WASHC5: variants seen among roughly 807,000 people sequenced by gnomAD.
The protein encoded by WASHC5 is WASH complex subunit strumpellin.
WASHC5 carries 101 observed loss-of-function variants against 150.4 expected under a neutral mutation model. That is an observed-to-expected ratio of 0.67 (90% CI 0.57 to 0.79). The LOEUF is 0.79. Among genes scored for constraint, WASHC5 ranks in the 30% least tolerant of loss-of-function variants. The pLI, the probability that WASHC5 is intolerant of heterozygous loss-of-function variation, is 0.00. For synonymous variants in WASHC5, 467 were observed against 491.2 expected, an observed-to-expected ratio of 0.95 and a Z score of 0.65; for missense variants, 1,195 against 1,396.3, an observed-to-expected ratio of 0.86 and a Z score of 2.30.
chr8:125,055,675 T>C lies in WASHC5; in HGVS notation c.2017-4A>G, dbSNP rs775033295. 1.3e-6 allele frequency: 2 copies of C among 1,581,906 alleles called. No homozygotes were observed. The highest frequency in any genetic ancestry group is 2.2e-5 in the South Asian group (2 of 90,330). Reference sequence around the variant, plus strand: ...TAGCATGAGTAAGCTTGGCAACCTATAACAAAGAAAAAGAGGTATGAAAAA... The same window carrying C: ...TAGCATGAGTAAGCTTGGCAACCTACAACAAAGAAAAAGAGGTATGAAAAA... On this transcript the variant is annotated splice_polypyrimidine_tract_variant and splice_region_variant and intron_variant, in intron 16 of 28. Coordinates refer to ENST00000318410, the MANE Select transcript of WASHC5 (RefSeq NM_014846.4).
In WASHC5 at chr8:125,050,581, A is replaced by G. The variant is rs1371936638; in HGVS notation, c.2182T>C (p.Phe728Leu). 3.1e-6 allele frequency: 5 copies of G among 1,613,844 alleles called. No individual in the cohort carries two copies. Among genetic ancestry groups the G allele is most frequent in the Admixed American group, 1.7e-5 (1 of 60,002 alleles). The change falls in exon 18 of 29, where the codon TTC becomes CTC. Residue 728 changes from phenylalanine (F) to leucine (L), a missense_variant. Physicochemically the swap from Phe to Leu is conservative, Grantham distance 22. Around this residue, in one of 3 missense-constraint regions of WASHC5, gnomAD observed 997 missense variants for 1,168.1 expected, o/e 0.85. Transcript: ENST00000318410. ...VAFALHRGLIFNPRAKPSELM... is the reference protein window; with the variant it reads ...VAFALHRGLILNPRAKPSELM... Reference sequence around the variant, plus strand: ...CTGGGTACCTTGGCTCGAGGGTTGAATATCAGTCCCCTATGCAGGGCAAAG... The same window carrying G: ...CTGGGTACCTTGGCTCGAGGGTTGAGTATCAGTCCCCTATGCAGGGCAAAG...
chr8:125,039,325 T>C (rs1344734571), intron 24 of WASHC5, among the ~76,000 whole-genome samples: 1 of 152,184 alleles, frequency 6.6e-6, no homozygotes, highest in Non-Finnish European at 1.5e-5. Flanking sequence ...AGGCGGAGGA[T>C]ATGAGTTCCC....
intron 9 of WASHC5, among the ~76,000 whole-genome samples, chr8:125,068,639 A>C (rs1816817262): frequency 6.6e-6 from 1 of 152,144 alleles, no homozygotes; most frequent in Non-Finnish European, 1.5e-5. Flanking sequence ...GGAATGCCCG[A>C]CACAACAAGG....
intron 10 of WASHC5, among the ~76,000 whole-genome samples, chr8:125,066,746 C>A (rs893935276): frequency 3.5e-4 from 54 of 152,314 alleles, no homozygotes; most frequent in African/African-American, 1.2e-3. Context: ...CTCCAGCCAA[C>A]TGGTCTTTCA....
At chr8:125,043,930 C>G in intron 22 of WASHC5, 26 bp from the exon 23 acceptor site, 1 of 1,600,258 alleles carries the variant, frequency 6.2e-7, no homozygotes, top group Non-Finnish European at 8.6e-7. Flanking sequence ...ATAATTTTCT[C>G]TTTAGTACAT....
chr8:125,032,128 G>A (rs112195111), intron 27 of WASHC5, 113 bp downstream of exon 27: 15 of 1,248,052 alleles, frequency 1.2e-5, no homozygotes, highest in Middle Eastern at 1.9e-4. Context: ...ACAGAGAAGG[G>A]TGAGCAACCA....
chr8:125,064,504 G>C, intron 10 of WASHC5, among the ~76,000 whole-genome samples: 1 of 151,618 alleles, frequency 6.6e-6, no homozygotes, highest in South Asian at 2.1e-4. Flanking sequence ...TTATAGGCAT[G>C]AGCCACTGTA....
rs140742485 is a variant in WASHC5 at position 125,047,281 on chromosome 8, C to G, written c.2430G>C (p.Lys810Asn). The G allele has an allele frequency of 2.8e-5, 45 of 1,613,940 alleles. No homozygotes were observed. Among genetic ancestry groups the G allele is most frequent in the Non-Finnish European group, 3.7e-5 (44 of 1,179,942 alleles). The change falls in exon 20 of 29, where the codon AAG becomes AAC. Residue 810 changes from lysine (K) to asparagine (N), a missense_variant. Physicochemically the swap from Lys to Asn is moderately conservative, Grantham distance 94. This residue lies in a region of WASHC5 where 997 missense variants were observed against 1,168.1 expected (regional missense o/e 0.85). Coordinates refer to ENST00000318410, the MANE Select transcript of WASHC5 (RefSeq NM_014846.4). ...MYQSTHIPIP[K>N]FTPVDESVTF... ...TTACAGACTCATCCACAGGGGTAAACTTGGGTATTGGAATATGAGTGGACT... is the reference window on the plus strand; with the variant it reads ...TTACAGACTCATCCACAGGGGTAAAGTTGGGTATTGGAATATGAGTGGACT...
intron 21 of WASHC5, among the ~76,000 whole-genome samples, 178 bp from the exon 22 acceptor site, chr8:125,044,272 GAA>G (rs1393236496): frequency 6.6e-6 from 1 of 152,186 alleles, no homozygotes; most frequent in Non-Finnish European, 1.5e-5. Context: ...CCCTTGCTAG[GAA>G]AAGTCACTGG....
In WASHC5 at chr8:125,039,680, A is replaced by T. The variant is rs139201769; in HGVS notation, c.2954+115T>A. 31 of 742,296 alleles carry T rather than the reference A, an allele frequency of 4.2e-5. No homozygotes were observed. The African/African-American group carries it at 5.2e-4, about 12-fold the overall frequency. The allele number at this position is 742,296 out of a possible 1,614,324, so 46.0% of individuals were successfully genotyped here. ...ATTATCCGTGGCAAGGAAGCCTGTA[A>T]ATTCAGACCTTCCACCCAAAAATAA... On this transcript the variant is annotated intron_variant, in intron 24 of 28. Coordinates refer to ENST00000318410, the MANE Select transcript of WASHC5 (RefSeq NM_014846.4).
At chr8:125,084,483 A>G (rs1586391534) in intron 1 of WASHC5, among the ~76,000 whole-genome samples, 2 of 152,232 alleles carry the variant, frequency 1.3e-5, no homozygotes, top group Non-Finnish European at 2.9e-5. Context: ...AACATGTCCA[A>G]GATTCCTTTT....
At chr8:125,065,424 GA>G (rs1214642428) in intron 10 of WASHC5, among the ~76,000 whole-genome samples, 1 of 152,096 alleles carries the variant, frequency 6.6e-6, no homozygotes, top group African/African-American at 2.4e-5. Context: ...TAGACAGAAG[GA>G]AGCTGTCCAT....
chr8:125,049,254 A>G, intron 18 of WASHC5, 69 bp from the exon 19 acceptor site: 1 of 1,533,672 alleles, frequency 6.5e-7, no homozygotes, highest in Non-Finnish European at 9.0e-7. Flanking sequence ...CTAATATCTA[A>G]CTAGACTTTA....
chr8:125,025,344 G>T (rs936651992), intron 28 of WASHC5, among the ~76,000 whole-genome samples: 5 of 152,148 alleles, frequency 3.3e-5, no homozygotes, highest in Non-Finnish European at 5.9e-5. Flanking sequence ...TTTACAGTGG[G>T]TGGAGGGCAA....
intron 10 of WASHC5, among the ~76,000 whole-genome samples, chr8:125,067,159 C>T (rs190814821): frequency 4.6e-5 from 7 of 152,216 alleles, no homozygotes; most frequent in Non-Finnish European, 7.4e-5. Flanking sequence ...AGACTACAGC[C>T]GTGTGCCACC....
intron 1 of WASHC5, among the ~76,000 whole-genome samples, chr8:125,089,133 A>C (rs1817516726): frequency 6.6e-6 from 1 of 152,222 alleles, no homozygotes; most frequent in South Asian, 2.1e-4. Context: ...AACAGGCTGA[A>C]TTTCAGATAA....
intron 10 of WASHC5, among the ~76,000 whole-genome samples, chr8:125,064,330 G>T (rs1282963498): frequency 6.6e-6 from 1 of 151,790 alleles, no homozygotes; most frequent in Non-Finnish European, 1.5e-5. Context: ...AGCCTCTCAA[G>T]TAGCTAGGGC....
rs765426585 is a variant in WASHC5 at position 125,067,656 on chromosome 8, T to C, written c.1214A>G (p.Tyr405Cys). The stretch of plus-strand genomic sequence containing the variant: ...CAGCTGGAAGAGGATCCTGGGATTG[T>C]ACCGAGAGTCTGTTAGAATCTGGTC... The part of the protein sequence containing the change: ...IKDQILTDSR[Y>C]NPRILFQLLL... The change falls in exon 10 of 29, where the codon TAC (tyrosine) becomes TGC (cysteine). Residue 405 changes from tyrosine to cysteine, a missense_variant. Physicochemically the swap from Tyr to Cys is radical, Grantham distance 194 (BLOSUM62 -2). Coordinates refer to ENST00000318410, the MANE Select transcript of WASHC5 (RefSeq NM_014846.4). 3 of 1,613,498 alleles carry C rather than the reference T, an allele frequency of 1.9e-6. No individual in the cohort carries two copies. The highest frequency in any genetic ancestry group is 2.5e-6 in the Non-Finnish European group (3 of 1,179,404).
At position 125,024,627 on chromosome 8, in the gene WASHC5, G is replaced by C; in HGVS notation, c.3470C>G (p.Thr1157Arg). Reference protein sequence around the residue: ...VPNFIFDEFRTVL With the variant: ...VPNFIFDEFRRVL ...AAGTAGGAAAAACAGTTACAGCACT[G>C]TTCTGAACTCATCAAAAATGAAATT... The change falls in exon 29 of 29, where the codon ACA becomes AGA. Residue 1157 changes from threonine (T) to arginine (R), a missense_variant. Physicochemically the swap from Thr to Arg is moderately conservative, Grantham distance 71. Around this residue, in one of 3 missense-constraint regions of WASHC5, gnomAD observed 997 missense variants for 1,168.1 expected, o/e 0.85. Transcript: ENST00000318410. The C allele has an allele frequency of 6.2e-7, 1 of 1,609,022 alleles. No homozygotes were observed. The highest frequency in any genetic ancestry group is 1.1e-5 in the South Asian group (1 of 90,982).
Sources: gnomAD v4.1 joint callset for allele counts (sites outside exome capture counted in the v4.1 genomes callset) on GRCh38, gnomAD v4.1.1 for gene constraint, gnomAD v4.1.1 regional missense constraint, MANE v1.5 for transcripts, NCBI Gene and HGNC (gene_info 2026-07-23, HGNC 2026-07-21) for gene names.